Variants in TTC7B observed in about 807,000 individuals in gnomAD.
The protein encoded by TTC7B is tetratricopeptide repeat domain 7B.
TTC7B carries 28 observed loss-of-function variants against 106.8 expected under a neutral mutation model. The observed-to-expected ratio is 0.26, with a 90% CI of 0.19 to 0.36. The LOEUF is 0.36. Ranked by LOEUF, TTC7B falls within the 10% of genes least tolerant of loss-of-function variation. The pLI, the probability that TTC7B is intolerant of heterozygous loss-of-function variation, is 1.00. For synonymous variants in TTC7B, 405 were observed against 430.6 expected, an observed-to-expected ratio of 0.94 and a Z score of 0.74; for missense variants, 862 against 1,076.4, an observed-to-expected ratio of 0.80 and a Z score of 2.79.
At position 90,545,840 on chromosome 14, in the gene TTC7B, A is replaced by G. The variant is rs75119664; in HGVS notation, c.2311-4251T>C. ...GCCAGCACCCTCCGTGTTGGCCACT[A>G]AGAGCCTCTGCAGTGCTCTGGTGTT... On this transcript the variant is annotated intron_variant, in intron 19 of 19. Coordinates refer to ENST00000328459, the MANE Select transcript of TTC7B (RefSeq NM_001010854.2). 3.4e-3 allele frequency among the ~76,000 whole-genome samples: 521 copies of G among 152,296 alleles called. 5 individuals are homozygous for G. The highest frequency in any genetic ancestry group is 0.019 in the Admixed American group (287 of 15,306).
chr14:90,689,909 G>A (rs1887403796), intron 6 of TTC7B, among the ~76,000 whole-genome samples, 197 bp from the exon 7 acceptor site: 1 of 152,168 alleles, frequency 6.6e-6, no homozygotes, highest in Non-Finnish European at 1.5e-5. Flanking sequence ...TCACTAAGAT[G>A]TTTGAACACT....
chr14:90,573,499 A>AGCTCACGGTCCCTCTCCG (rs1891124817), intron 19 of TTC7B, among the ~76,000 whole-genome samples: 4 of 84,450 alleles, frequency 4.7e-5, no homozygotes, highest in Non-Finnish European at 6.9e-5. Context: ...GGTCCCTCTC[A>AGCTCACGGTCCCTCTCCG]GCTCACGGTC....
chr14:90,702,860 C>G (rs1651015838), intron 5 of TTC7B, among the ~76,000 whole-genome samples: 1 of 152,184 alleles, frequency 6.6e-6, no homozygotes, highest in Non-Finnish European at 1.5e-5. Context: ...GGCAGGGGAA[C>G]AGTCTCCAGC....
intron 19 of TTC7B, among the ~76,000 whole-genome samples, chr14:90,573,366 G>T (rs1405093960): frequency 6.6e-6 from 1 of 150,516 alleles, no homozygotes; most frequent in Non-Finnish European, 1.5e-5. Context: ...CCGGCTCACG[G>T]TCCCTCTCAG....
At chr14:90,696,910 T>C (rs1194098962) in intron 5 of TTC7B, among the ~76,000 whole-genome samples, 1 of 152,184 alleles carries the variant, frequency 6.6e-6, no homozygotes, top group African/African-American at 2.4e-5. Flanking sequence ...CCTTCATTTG[T>C]TTTTATGGGA....
At chr14:90,801,222 CAAAAAA>C (rs67620286) in intron 1 of TTC7B, among the ~76,000 whole-genome samples, 1 of 70,940 alleles carries the variant, frequency 1.4e-5, no homozygotes, top group Non-Finnish European at 2.6e-5. Context: ...AAGACCCTAT[CAAAAAA>C]AAAAAAAAAA....
intron 9 of TTC7B, among the ~76,000 whole-genome samples, chr14:90,664,514 G>A (rs1294236443): frequency 5.3e-5 from 8 of 152,128 alleles, no homozygotes; most frequent in East Asian, 1.9e-4. Flanking sequence ...CAGGCAATCC[G>A]CCCGCCTCGG....
chr14:90,638,009 GTGGC>G (rs906210137), intron 15 of TTC7B, among the ~76,000 whole-genome samples: 2 of 151,932 alleles, frequency 1.3e-5, no homozygotes, highest in African/African-American at 4.8e-5. Context: ...AGCCTTCTGA[GTGGC>G]TGGGACCACA....
chr14:90,767,535 T>G (rs1890730711), intron 3 of TTC7B, among the ~76,000 whole-genome samples: 1 of 152,148 alleles, frequency 6.6e-6, no homozygotes, highest in South Asian at 2.1e-4. Context: ...CCCTTTTCCT[T>G]CTTTCTCTCA....
chr14:90,800,171 G>A (rs746146386), intron 1 of TTC7B, among the ~76,000 whole-genome samples: 7 of 152,158 alleles, frequency 4.6e-5, no homozygotes, highest in Non-Finnish European at 7.4e-5. Context: ...CAGCCCTGTG[G>A]AGAATGGACC....
chr14:90,791,539 T>G (rs1891585049), intron 1 of TTC7B, among the ~76,000 whole-genome samples: 1 of 152,096 alleles, frequency 6.6e-6, no homozygotes, highest in Non-Finnish European at 1.5e-5. Context: ...GGCTGCCCAG[T>G]TAAAGACTAC....
chr14:90,593,345 G>T, intron 18 of TTC7B, 141 bp downstream of exon 18: 1 of 1,243,002 alleles, frequency 8.0e-7, no homozygotes, highest in Non-Finnish European at 1.1e-6. Context: ...TTTGGTGCAT[G>T]GCCGTGAAGC....
rs889492555 is a variant in TTC7B, at chr14:90,654,895, C to T, written c.1459+98G>A. 89 of 983,924 alleles carry T rather than the reference C, an allele frequency of 9.0e-5. No homozygotes were observed. The Middle Eastern group carries it at 1.7e-3, about 19-fold the overall frequency. The allele number at this position is 983,924 out of a possible 1,614,324, so 60.9% of individuals were successfully genotyped here. ...ACACCAGAATGCCCCAGCTTCTGCACCCTCCTGAGACAGAAGGGGACTGTG... is the reference window on the plus strand; with the variant it reads ...ACACCAGAATGCCCCAGCTTCTGCATCCTCCTGAGACAGAAGGGGACTGTG... On this transcript the variant is annotated intron_variant, in intron 12 of 19. Transcript: ENST00000328459.
At chr14:90,674,021 C>T (rs1389474625) in intron 9 of TTC7B, among the ~76,000 whole-genome samples, 1 of 151,876 alleles carries the variant, frequency 6.6e-6, no homozygotes, top group African/African-American at 2.4e-5. Flanking sequence ...GATGGTTGCA[C>T]AGTGGTATGA....
Position 90,816,357 on chromosome 14 carries a change from CCTCGCCGCCT to C in TTC7B, c.-72_-63del. ...CCCCACCGCCGCCGCCGCGGCGCCC[CCTCGCCGCCT>C]CCCGCCGCCGCCGCGGGCTCGGGCT... On this transcript the variant is annotated 5_prime_UTR_variant, in exon 1 of 20. Coordinates refer to ENST00000328459, the MANE Select transcript of TTC7B (RefSeq NM_001010854.2). 1.1e-6 allele frequency: 1 copy of C among 902,898 alleles called. No homozygotes were observed. 55.9% of individuals were successfully genotyped at this position (902,898 alleles called of 1,614,324 possible).
At chr14:90,672,425 C>G (rs1886670200) in intron 9 of TTC7B, among the ~76,000 whole-genome samples, 1 of 152,212 alleles carries the variant, frequency 6.6e-6, no homozygotes, top group Admixed American at 6.5e-5. Context: ...CCCACACTTT[C>G]TTTCCAAGCT....
chr14:90,619,931 C>T (rs998489655), intron 15 of TTC7B, among the ~76,000 whole-genome samples: 2 of 152,200 alleles, frequency 1.3e-5, no homozygotes, highest in Non-Finnish European at 1.5e-5. Flanking sequence ...AGAATTCCTT[C>T]ACCCTGCATG....
intron 9 of TTC7B, among the ~76,000 whole-genome samples, chr14:90,668,034 T>C (rs1595263543): frequency 6.6e-6 from 1 of 152,140 alleles, no homozygotes; most frequent in Non-Finnish European, 1.5e-5. Context: ...CACAAGTAAC[T>C]TCTTCTTCAT....
Position 90,607,425 on chromosome 14 carries a change from C to T in TTC7B, c.1966+3317G>A, listed in dbSNP as rs539941958. 1.4e-4 allele frequency among the ~76,000 whole-genome samples: 22 copies of T among 152,336 alleles called. 1 individual carries two copies. Among genetic ancestry groups the T allele is most frequent in the African/African-American group, 3.6e-4 (15 of 41,582 alleles). On this transcript the variant is annotated intron_variant, in intron 17 of 19. Transcript: ENST00000328459. Reference sequence around the variant, plus strand: ...GGGACTTAGAAAAGCAGTTAAGTGTCGGGCATGACGCTGATAAGCTGCCAC... The same window carrying T: ...GGGACTTAGAAAAGCAGTTAAGTGTTGGGCATGACGCTGATAAGCTGCCAC...
Sources: allele counts gnomAD v4.1 joint callset (sites outside exome capture counted in the v4.1 genomes callset), GRCh38; gene constraint gnomAD v4.1.1; transcripts MANE v1.5; gene names NCBI Gene and HGNC (gene_info 2026-07-23, HGNC 2026-07-21).